KDM4B: variants seen among roughly 807,000 people sequenced by gnomAD.
KDM4B encodes the protein lysine-specific demethylase 4B.
A neutral mutation model predicts 125.2 loss-of-function variants in KDM4B; 32 were observed. That is an observed-to-expected ratio of 0.26 (90% CI 0.19 to 0.34). The LOEUF is 0.34. KDM4B is among the 10% of genes least tolerant of loss of function. The pLI, the probability that KDM4B is intolerant of heterozygous loss-of-function variation, is 1.00. For synonymous variants in KDM4B, 721 were observed against 677.9 expected (o/e 1.06, Z -0.99); for missense variants, 1,190 against 1,577.7 (o/e 0.75, Z 4.16).
chr19:5,024,572 T>G (rs1461463704), intron 2 of KDM4B, among the ~76,000 whole-genome samples: 2 of 151,736 alleles, frequency 1.3e-5, no homozygotes, highest in Admixed American at 1.3e-4. Context: ...TGGTCCCATG[T>G]CATGGTCACA....
chr19:5,003,810 A>T (rs141177189), intron 1 of KDM4B, among the ~76,000 whole-genome samples: 2 of 151,990 alleles, frequency 1.3e-5, no homozygotes, highest in East Asian at 1.9e-4. Flanking sequence ...ACCCCGTCTA[A>T]AAAAAAGGTC....
intron 1 of KDM4B, among the ~76,000 whole-genome samples, chr19:5,003,884 A>G (rs1226474395): frequency 6.6e-6 from 1 of 151,958 alleles, no homozygotes; most frequent in Admixed American, 6.6e-5. Context: ...TATATGCCTG[A>G]GTCTGTGTTT....
rs930764875 is a variant in KDM4B, at chr19:5,035,895, G to C, written c.141+2864G>C. ...TGTGTGTGTGTGCGCGCGCGCGCGC[G>C]CCTGCGCGCACAGGAGACTGAGGTG... On this transcript the variant is annotated intron_variant, in intron 3 of 22. Transcript: ENST00000159111. The surrounding 1 kb of genome is among the most constrained non-coding windows in gnomAD (Gnocchi z 5.3). Among the ~76,000 whole-genome samples, 8 of 125,054 alleles carry C rather than the reference G, an allele frequency of 6.4e-5. No homozygotes were observed. Among genetic ancestry groups the C allele is most frequent in the Non-Finnish European group, 1.1e-4 (6 of 54,876 alleles). The allele number at this position is 125,054 out of a possible 152,430, so 82.0% of individuals were successfully genotyped here. A position where few individuals can be genotyped will look rare whatever the true frequency, so the allele number is the denominator to read the frequency against.
chr19:4,990,220 G>T (rs2034989528), intron 1 of KDM4B, among the ~76,000 whole-genome samples: 1 of 152,162 alleles, frequency 6.6e-6, no homozygotes, highest in Non-Finnish European at 1.5e-5. Flanking sequence ...AACCCAGGAG[G>T]TTGAGGCTGC....
intron 2 of KDM4B, among the ~76,000 whole-genome samples, chr19:5,022,914 TC>T: frequency 6.6e-6 from 1 of 152,278 alleles, no homozygotes; most frequent in East Asian, 1.9e-4. Context: ...TATGCTTATT[TC>T]TTTGCATGGT....
At chr19:5,076,158 G>A (rs2038103203) in intron 7 of KDM4B, 1 of 81,082 alleles carries the variant, frequency 1.2e-5, no homozygotes, top group Non-Finnish European at 2.4e-5. Context: ...CGGCCACACT[G>A]CATCCTTTCC....
intron 2 of KDM4B, among the ~76,000 whole-genome samples, chr19:5,031,684 G>A (rs540125488): frequency 1.2e-4 from 18 of 152,346 alleles, no homozygotes; most frequent in South Asian, 6.2e-4. Flanking sequence ...GGGCGACCTC[G>A]GCTTTGCTTT....
At position 5,082,376 on chromosome 19, in the gene KDM4B, G is replaced by C; in HGVS notation, c.790G>C (p.Glu264Gln). 1 of 1,613,672 alleles carries C rather than the reference G, an allele frequency of 6.2e-7. No homozygotes were observed. The highest frequency in any genetic ancestry group is 8.5e-7 in the Non-Finnish European group (1 of 1,179,962). ...TCCTTTCCCTCTGCAGATCACGCAG[G>C]AGGCCGGGGAATTCATGATCACATT... The part of the protein sequence containing the change: ...YGIPFSRITQ[E>Q]AGEFMITFPY... Residue 264 changes from glutamate (E) to glutamine (Q), a missense_variant, in exon 9 of 23, where the codon GAG (glutamate) becomes CAG (glutamine). By Grantham distance (29) the Glu-to-Gln change is conservative. Transcript: ENST00000159111. The surrounding 1 kb of genome is among the most constrained non-coding windows in gnomAD (Gnocchi z 5.4).
At position 5,137,407 on chromosome 19, in the gene KDM4B, G is replaced by A. The variant is rs924542546; in HGVS notation, c.2385+69G>A. On this transcript the variant is annotated intron_variant, in intron 16 of 22. Coordinates refer to ENST00000159111, the MANE Select transcript of KDM4B (RefSeq NM_015015.3). ...GGCCCCGGCCCCACTCCAGTGGGGT[G>A]ACTTTGGGGCGTAGTCTCCCCTCCG... The A allele has an allele frequency of 2.6e-5, 37 of 1,429,062 alleles. 1 individual carries two copies. The highest frequency in any genetic ancestry group is 3.4e-5 in the Non-Finnish European group (36 of 1,044,422). 88.5% of individuals were successfully genotyped at this position (1,429,062 alleles called of 1,614,324 possible). A position where few individuals can be genotyped will look rare whatever the true frequency, so the allele number is the denominator to read the frequency against.
chr19:5,115,247 C>T lies in KDM4B; in HGVS notation c.1116-4406C>T, dbSNP rs112899997. Among the ~76,000 whole-genome samples, 5,307 of 151,964 alleles carry T rather than the reference C, an allele frequency of 0.035. 146 individuals carry two copies. Among genetic ancestry groups the T allele is most frequent in the Non-Finnish European group, 0.053 (3,625 of 67,942 alleles). On this transcript the variant is annotated intron_variant, in intron 10 of 22. Coordinates refer to ENST00000159111, the MANE Select transcript of KDM4B (RefSeq NM_015015.3). This position sits in a 1 kb window ranked among gnomAD's most constrained non-coding sequence, Gnocchi z 4.2. ...ACCACGGGGCCTCAGAAAGACACAGCGGGCAAACATGGGCAGCCCCTGGGG... is the reference window on the plus strand; with the variant it reads ...ACCACGGGGCCTCAGAAAGACACAGTGGGCAAACATGGGCAGCCCCTGGGG...
chr19:5,000,699 C>T (rs2035357237), intron 1 of KDM4B, among the ~76,000 whole-genome samples: 1 of 152,066 alleles, frequency 6.6e-6, no homozygotes, highest in Admixed American at 6.6e-5. Flanking sequence ...CATTTTTTTC[C>T]CCCTTCTTTA....
chr19:5,052,524 G>GCCTGCTCCCTTACCCCTCTGCTGC (rs1422251716), intron 6 of KDM4B, among the ~76,000 whole-genome samples: 1 of 152,154 alleles, frequency 6.6e-6, no homozygotes, highest in Non-Finnish European at 1.5e-5. Context: ...GAGGCTGCGG[G>GCCTGCTCCCTTACCCCTCTGCTGC]CCTGCTCCCT....
chr19:5,017,450 G>A (rs1450825246), intron 2 of KDM4B, among the ~76,000 whole-genome samples: 2 of 152,198 alleles, frequency 1.3e-5, no homozygotes, highest in African/African-American at 4.8e-5. Flanking sequence ...GGCGTGGCCT[G>A]CGCATCTGGA....
At chr19:5,001,114 C>T (rs917173285) in intron 1 of KDM4B, among the ~76,000 whole-genome samples, 2 of 151,800 alleles carry the variant, frequency 1.3e-5, no homozygotes, top group African/African-American at 4.8e-5. Flanking sequence ...TCGTTGCAGC[C>T]TTCACCTCCT....
intron 2 of KDM4B, among the ~76,000 whole-genome samples, chr19:5,024,178 C>G (rs2036210772): frequency 6.6e-6 from 1 of 152,186 alleles, no homozygotes; most frequent in South Asian, 2.1e-4. Context: ...CAAGTTCTTC[C>G]ATCCCAGAGT....
At chr19:5,101,993 G>A (rs1340374004) in intron 9 of KDM4B, among the ~76,000 whole-genome samples, 2 of 152,182 alleles carry the variant, frequency 1.3e-5, no homozygotes, top group African/African-American at 2.4e-5. Context: ...GCGAGGAGGG[G>A]CAGGCGGCCG....
At chr19:5,120,400 C>T (rs2039338255) in intron 11 of KDM4B, among the ~76,000 whole-genome samples, 2 of 152,250 alleles carry the variant, frequency 1.3e-5, no homozygotes, top group Admixed American at 6.5e-5. Context: ...GCCACAGCCA[C>T]TTGTGGGCAG....
chr19:5,055,881 T>TA (rs2037379754), intron 6 of KDM4B, among the ~76,000 whole-genome samples: 1 of 152,178 alleles, frequency 6.6e-6, no homozygotes, highest in African/African-American at 2.4e-5. Context: ...GGTTCCCTGT[T>TA]ATGAGCATTC....
chr19:5,063,604 A>C (rs1328860044), intron 6 of KDM4B, among the ~76,000 whole-genome samples: 2 of 152,214 alleles, frequency 1.3e-5, no homozygotes, highest in Non-Finnish European at 2.9e-5. Flanking sequence ...ACAGTGCTGA[A>C]GATACTCTGA....
Sources: gnomAD v4.1 joint callset for allele counts (sites outside exome capture counted in the v4.1 genomes callset) on GRCh38, gnomAD v4.1.1 for gene constraint, Gnocchi (gnomAD v3.1) non-coding constraint, MANE v1.5 for transcripts, NCBI Gene and HGNC (gene_info 2026-07-23, HGNC 2026-07-21) for gene names.